PTTG1IP2: variants seen among roughly 807,000 people sequenced by gnomAD.
The protein encoded by PTTG1IP2 is PTTG1IP family member 2.
intron 6 of PTTG1IP2, among the ~76,000 whole-genome samples, chr7:90,504,576 T>A (rs1174903403): frequency 6.6e-6 from 1 of 152,156 alleles, no homozygotes; most frequent in Non-Finnish European, 1.5e-5. Context: ...TTCAATAAAT[T>A]TTTATTTACA....
chr7:90,480,482 T>C (rs1233424379), intron 2 of PTTG1IP2, among the ~76,000 whole-genome samples: 1 of 152,136 alleles, frequency 6.6e-6, no homozygotes, highest in Non-Finnish European at 1.5e-5. Flanking sequence ...AAGAGCCATC[T>C]TGGTCAATTT....
chr7:90,491,174 A>G (rs1457709093), intron 4 of PTTG1IP2, among the ~76,000 whole-genome samples: 1 of 152,248 alleles, frequency 6.6e-6, no homozygotes, highest in Non-Finnish European at 1.5e-5. Flanking sequence ...TAAAAATTAA[A>G]GCACTTTAAA....
intron 1 of PTTG1IP2, among the ~76,000 whole-genome samples, chr7:90,476,733 A>C (rs1299082822): frequency 1.3e-5 from 2 of 152,330 alleles, no homozygotes; most frequent in Non-Finnish European, 2.9e-5. Context: ...AAGATGACAT[A>C]TGACAAACCT....
chr7:90,488,294 A>ACT (rs1161845155), intron 3 of PTTG1IP2, among the ~76,000 whole-genome samples: 2 of 148,374 alleles, frequency 1.3e-5, no homozygotes, highest in Non-Finnish European at 3.0e-5. Context: ...CCTTATAAAG[A>ACT]AGTTACACTT....
intron 6 of PTTG1IP2, among the ~76,000 whole-genome samples, chr7:90,498,556 A>T (rs1450634795): frequency 6.6e-6 from 1 of 152,200 alleles, no homozygotes; most frequent in Non-Finnish European, 1.5e-5. Context: ...TAAGTCCAAA[A>T]CTATAAAAAG....
chr7:90,510,168 C>T (rs1042400447), intron 6 of PTTG1IP2, among the ~76,000 whole-genome samples: 2 of 152,066 alleles, frequency 1.3e-5, no homozygotes, highest in African/African-American at 4.8e-5. Flanking sequence ...TGTGGAAGGG[C>T]GGGGACCACT....
chr7:90,497,836 T>G (rs1465257792), intron 6 of PTTG1IP2, among the ~76,000 whole-genome samples: 1 of 151,102 alleles, frequency 6.6e-6, no homozygotes, highest in African/African-American at 2.4e-5. Context: ...TTGTCCAAAG[T>G]GTAGTTCAAG....
At chr7:90,493,677 T>C (rs1797963358) in intron 5 of PTTG1IP2, among the ~76,000 whole-genome samples, 1 of 152,110 alleles carries the variant, frequency 6.6e-6, no homozygotes, top group Non-Finnish European at 1.5e-5. Flanking sequence ...GAGAGCCCAA[T>C]GGGAATGCCT....
At chr7:90,506,367 G>A (rs948436369) in intron 6 of PTTG1IP2, among the ~76,000 whole-genome samples, 21 of 152,026 alleles carry the variant, frequency 1.4e-4, no homozygotes, top group African/African-American at 5.1e-4. Flanking sequence ...AATTACCTTG[G>A]CAGTTACTGC....
intron 1 of PTTG1IP2, among the ~76,000 whole-genome samples, chr7:90,473,418 C>T (rs1797712512): frequency 6.6e-6 from 1 of 152,168 alleles, no homozygotes; most frequent in East Asian, 1.9e-4. Flanking sequence ...TCAGTCCAGT[C>T]ACACCCTAGT....
chr7:90,495,084 C>G (rs1210945558), intron 6 of PTTG1IP2, among the ~76,000 whole-genome samples: 1 of 152,146 alleles, frequency 6.6e-6, no homozygotes, highest in Non-Finnish European at 1.5e-5. Flanking sequence ...GTTCAGGCTG[C>G]CTTTGTTGAA....
At chr7:90,480,228 C>T (rs1584692150) in intron 2 of PTTG1IP2, among the ~76,000 whole-genome samples, 1 of 152,162 alleles carries the variant, frequency 6.6e-6, no homozygotes, top group East Asian at 1.9e-4. Flanking sequence ...TACATTCTCA[C>T]TCCCTTATAC....
At chr7:90,486,895 G>A (rs1353537934) in intron 2 of PTTG1IP2, among the ~76,000 whole-genome samples, 3 of 152,152 alleles carry the variant, frequency 2.0e-5, no homozygotes, top group South Asian at 4.1e-4. Context: ...GAAGATAAGC[G>A]GCAAGAGCCA....
chr7:90,471,668 A>G (rs1466903730), intron 1 of PTTG1IP2, among the ~76,000 whole-genome samples: 1 of 152,240 alleles, frequency 6.6e-6, no homozygotes, highest in Non-Finnish European at 1.5e-5. Flanking sequence ...ACTCTCCCTT[A>G]GAGGTAACTA....
At chr7:90,486,467 CT>C (rs532687452) in intron 2 of PTTG1IP2, among the ~76,000 whole-genome samples, 21,089 of 119,266 alleles carry the variant, frequency 0.18, 1,235 homozygotes, top group East Asian at 0.23. Flanking sequence ...CTTTGTCTTC[CT>C]TTTTTTTTTT....
intron 1 of PTTG1IP2, among the ~76,000 whole-genome samples, chr7:90,475,180 T>C (rs1450154017): frequency 2.0e-5 from 3 of 152,188 alleles, no homozygotes; most frequent in Admixed American, 6.5e-5. Context: ...CTTATGAACT[T>C]TTATGGCAAG....
chr7:90,475,939 CAAAA>C (rs71104471), intron 1 of PTTG1IP2, among the ~76,000 whole-genome samples: 2 of 127,010 alleles, frequency 1.6e-5, no homozygotes, highest in Non-Finnish European at 1.7e-5. Context: ...GACTCTGTCT[CAAAA>C]AAAAAAAAAA....
chr7:90,503,112 C>T (rs17861352), intron 6 of PTTG1IP2, among the ~76,000 whole-genome samples: 6,397 of 152,288 alleles, frequency 0.042, 286 homozygotes, highest in East Asian at 0.13. Flanking sequence ...TTAGCACCTG[C>T]TGCTTCGCCT....
At chr7:90,476,738 AAACCTTTATTCACCT>A (rs1226576024) in intron 1 of PTTG1IP2, among the ~76,000 whole-genome samples, 50 of 152,324 alleles carry the variant, frequency 3.3e-4, no homozygotes, top group African/African-American at 1.2e-3. Context: ...GACATATGAC[AAACCTTTATTCACCT>A]AACAACATAG....
Sources: gnomAD v4.1 joint callset for allele counts (sites outside exome capture counted in the v4.1 genomes callset) on GRCh38, gnomAD v4.1.1 for gene constraint, MANE v1.5 for transcripts, NCBI Gene and HGNC (gene_info 2026-07-23, HGNC 2026-07-21) for gene names.